SMIM15: variants seen among roughly 807,000 people sequenced by gnomAD.
SMIM15 encodes small integral membrane protein 15.
SMIM15 carries 5 observed loss-of-function variants against 6.8 expected under a neutral mutation model. That is an observed-to-expected ratio of 0.74 (90% confidence interval 0.39 to 1.56). The LOEUF (loss-of-function observed/expected upper bound fraction) is 1.56. Among genes scored for constraint, SMIM15 ranks in the 40% most tolerant of loss-of-function variants. SMIM15 has a pLI of 0.03. For synonymous variants in SMIM15, 30 were observed against 30.8 expected (o/e 0.97, Z 0.09); for missense variants, 81 against 84.8 (o/e 0.96, Z 0.18).
At position 61,159,788 on chromosome 5, in the gene SMIM15, A is replaced by G. The variant is rs1741381196; in HGVS notation, c.*159T>C. 2.7e-6 allele frequency: 2 copies of G among 754,414 alleles called. No homozygotes were observed. The highest frequency in any genetic ancestry group is 3.5e-5 in the African/African-American group (2 of 56,520). 46.7% of individuals were successfully genotyped at this position (754,414 alleles called of 1,614,324 possible). On this transcript the variant is annotated 3_prime_UTR_variant, in exon 3 of 3. Coordinates refer to ENST00000339020, the MANE Select transcript of SMIM15 (RefSeq NM_001048249.4). The stretch of plus-strand genomic sequence containing the variant: ...TACACCCACGCCTAAAAGTTACTAT[A>G]GTATTGAGGTCAGAACTAACATGAT...
rs1741380363 is a variant in SMIM15, at chr5:61,159,734, A to G, written c.*213T>C. On this transcript the variant is annotated 3_prime_UTR_variant, in exon 3 of 3. Transcript: ENST00000339020. ...GTACCACAGTAAATGCTAATTTACA[A>G]TAACTGTCAATAGAAACCTATAAAC... 3 of 580,162 alleles carry G rather than the reference A, an allele frequency of 5.2e-6. No individual in the cohort carries two copies. Among genetic ancestry groups the G allele is most frequent in the Admixed American group, 3.2e-5 (1 of 31,022 alleles). 35.9% of individuals were successfully genotyped at this position (580,162 alleles called of 1,614,324 possible).
At position 61,160,018 on chromosome 5, in the gene SMIM15, C is replaced by A. The variant is rs1445526673; in HGVS notation, c.154G>T (p.Glu52Ter). Residue 52 changes from glutamate to a stop codon, truncating the protein, a stop_gained, in exon 3 of 3, where the codon GAG becomes TAG. Transcript: ENST00000339020. LOFTEE classifies it high-confidence loss of function. ...TTTTGCTTCTTCTTTTGCTCCTTCT[C>A]CCTGGCCTCAATCATCTTGGCCAAT... Reference protein sequence around the residue: ...WKLAKMIEAREKEQKKKQKRQ... With the variant: ...WKLAKMIEAR 1 of 1,614,104 alleles carries A rather than the reference C, an allele frequency of 6.2e-7. No individual in the cohort carries two copies. The highest frequency in any genetic ancestry group is 1.1e-5 in the South Asian group (1 of 91,080).
intron 1 of SMIM15, among the ~76,000 whole-genome samples, chr5:61,161,520 G>C (rs1445119060): frequency 6.6e-6 from 1 of 152,094 alleles, no homozygotes; most frequent in East Asian, 1.9e-4. Context: ...TTGGCTCACT[G>C]ACTGACTTAC....
rs775975055 is a variant in SMIM15 at position 61,160,205 on chromosome 5, G to C, written c.-28-6C>G. On this transcript the variant is annotated splice_region_variant and splice_polypyrimidine_tract_variant and intron_variant, in intron 2 of 2. Coordinates refer to ENST00000339020, the MANE Select transcript of SMIM15 (RefSeq NM_001048249.4). ...CAGTCTTATGAAAACTGGGGCTGGGGGAGGCGGGTGGAGAACACAGAGGAA... is the reference window on the plus strand; with the variant it reads ...CAGTCTTATGAAAACTGGGGCTGGGCGAGGCGGGTGGAGAACACAGAGGAA... 1.3e-6 allele frequency: 2 copies of C among 1,590,986 alleles called. No individual in the cohort carries two copies. The highest frequency in any genetic ancestry group is 1.7e-6 in the Non-Finnish European group (2 of 1,165,788).
In SMIM15 at chr5:61,160,152, C is replaced by T; in HGVS notation, c.20G>A (p.Trp7Ter). 1 of 1,613,854 alleles carries T rather than the reference C, an allele frequency of 6.2e-7. No homozygotes were observed. Among genetic ancestry groups the T allele is most frequent in the Non-Finnish European group, 8.5e-7 (1 of 1,179,932 alleles). Residue 7 changes from tryptophan (W) to a stop codon, truncating the protein, a stop_gained, in exon 3 of 3, where the codon TGG becomes TAG. Coordinates refer to ENST00000339020, the MANE Select transcript of SMIM15 (RefSeq NM_001048249.4). LOFTEE classifies it high-confidence loss of function. MFDIKAWAEYVVEWAAK... is the reference protein window; with the variant it reads MFDIKA ...AGCCCATTCCACAACATACTCAGCC[C>T]AAGCCTTTATATCAAACATCTTCAC... is the stretch of plus-strand genomic sequence containing the variant.
rs761544076 is a variant in SMIM15 at position 61,160,019 on chromosome 5, C to T, written c.153G>A (p.Arg51=). 3.3e-5 allele frequency: 54 copies of T among 1,613,990 alleles called. No individual in the cohort carries two copies. In the East Asian group the frequency reaches 1.2e-3, roughly 36 times the overall value. ...SWKLAKMIEA[R]EKEQKKKQKR... ...TTTGCTTCTTCTTTTGCTCCTTCTC[C>T]CTGGCCTCAATCATCTTGGCCAATT... Residue 51 remains arginine, a synonymous_variant, in exon 3 of 3, where the codon AGG becomes AGA. Transcript: ENST00000339020.
chr5:61,159,468 CAAT>C lies in SMIM15; in HGVS notation c.*476_*478del, dbSNP rs148341488. 3,756 of 154,086 alleles carry C rather than the reference CAAT, an allele frequency of 0.024. 65 individuals carry two copies. The highest frequency in any genetic ancestry group is 0.038 in the Non-Finnish European group (2,595 of 68,930). The allele number at this position is 154,086 out of a possible 1,614,324, so 9.5% of individuals were successfully genotyped here. On this transcript the variant is annotated 3_prime_UTR_variant, in exon 3 of 3. Coordinates refer to ENST00000339020, the MANE Select transcript of SMIM15 (RefSeq NM_001048249.4). ...GCCAGAAATGATTCTAAGAAATAAA[CAAT>C]AATAATAAAAGATGTAATTAATATA...
rs1741357928 is a variant in SMIM15 at position 61,158,327 on chromosome 5, T to C, written c.*1620A>G. 1 of 152,144 alleles carries C rather than the reference T, an allele frequency of 6.6e-6. No homozygotes were observed. Among genetic ancestry groups the C allele is most frequent in the African/African-American group, 2.4e-5 (1 of 41,432 alleles). The allele number at this position is 152,144 out of a possible 1,614,324, so 9.4% of individuals were successfully genotyped here. ...CAGCTTGATTGCAGAAAACCAAACA[T>C]ATTATAGATATATCTTAACACTGAA... On this transcript the variant is annotated 3_prime_UTR_variant, in exon 3 of 3. Transcript: ENST00000339020.
Position 61,159,818 on chromosome 5 carries a change from C to T in SMIM15, c.*129G>A. On this transcript the variant is annotated 3_prime_UTR_variant, in exon 3 of 3. Transcript: ENST00000339020. ...TGAGGTCAGAACTAACATGATTCTTCCATTTGGTCAAATTTCATTTACTAA... is the reference window on the plus strand; with the variant it reads ...TGAGGTCAGAACTAACATGATTCTTTCATTTGGTCAAATTTCATTTACTAA... 9.6e-7 allele frequency: 1 copy of T among 1,040,576 alleles called. No individual in the cohort carries two copies. The highest frequency in any genetic ancestry group is 1.4e-6 in the Non-Finnish European group (1 of 725,444). 64.5% of individuals were successfully genotyped at this position (1,040,576 alleles called of 1,614,324 possible). A position where few individuals can be genotyped will look rare whatever the true frequency, so the allele number is the denominator to read the frequency against.
chr5:61,158,658 T>C lies in SMIM15; in HGVS notation c.*1289A>G, dbSNP rs544439619. 3 of 152,172 alleles carry C rather than the reference T, an allele frequency of 2.0e-5. No individual in the cohort carries two copies. The South Asian group carries it at 6.2e-4, about 32-fold the overall frequency. The allele number at this position is 152,172 out of a possible 1,614,324, so 9.4% of individuals were successfully genotyped here. On this transcript the variant is annotated 3_prime_UTR_variant, in exon 3 of 3. Coordinates refer to ENST00000339020, the MANE Select transcript of SMIM15 (RefSeq NM_001048249.4). ...TCTAGTTTCATTTTTAAACTGTAGC[T>C]GCTAGACAATTTTTTGTAATTTAAA...
rs1741416052 is a variant in SMIM15, at chr5:61,161,511, T to G, written c.-168-284A>C. Among the ~76,000 whole-genome samples the G allele has an allele frequency of 1.3e-5, 2 of 152,206 alleles. 1 individual carries two copies. Among genetic ancestry groups the G allele is most frequent in the Admixed American group, 1.3e-4 (2 of 15,284 alleles). ...GTTCATTGACATACGGGAGACAAGT[T>G]GGCTCACTGACTGACTTACACAGCG... On this transcript the variant is annotated intron_variant, in intron 1 of 2. Transcript: ENST00000339020.
chr5:61,158,957 T>G lies in SMIM15; in HGVS notation c.*990A>C, dbSNP rs1741366450. The G allele has an allele frequency of 6.6e-6, 1 of 152,238 alleles. No homozygotes were observed. The highest frequency in any genetic ancestry group is 1.5e-5 in the Non-Finnish European group (1 of 68,024). 9.4% of individuals were successfully genotyped at this position (152,238 alleles called of 1,614,324 possible). A position where few individuals can be genotyped will look rare whatever the true frequency, so the allele number is the denominator to read the frequency against. ...TCTTTACCACTTATGAAGTATGGCG[T>G]AACTGTTACACTTTAAGAGTTCTTT... is the stretch of plus-strand genomic sequence containing the variant. On this transcript the variant is annotated 3_prime_UTR_variant, in exon 3 of 3. Transcript: ENST00000339020.
In SMIM15 at chr5:61,160,248, C is replaced by CT; in HGVS notation, c.-28-50dup. The CT allele has an allele frequency of 3.6e-6, 5 of 1,373,438 alleles. No homozygotes were observed. The Middle Eastern group carries it at 6.0e-4, about 166-fold the overall frequency. 85.1% of individuals were successfully genotyped at this position (1,373,438 alleles called of 1,614,324 possible). ...CAGAGGAAAAAAACAGGAGAAAAGA[C>CT]TATGTGGTTAATCAAATTTTGAAAA... On this transcript the variant is annotated intron_variant, in intron 2 of 2. Coordinates refer to ENST00000339020, the MANE Select transcript of SMIM15 (RefSeq NM_001048249.4).
rs1170247966 is a variant in SMIM15, at chr5:61,157,922, T to G, written c.*2025A>C. 6.6e-6 allele frequency: 1 copy of G among 151,632 alleles called. No individual in the cohort carries two copies. The highest frequency in any genetic ancestry group is 1.5e-5 in the Non-Finnish European group (1 of 67,976). The allele number at this position is 151,632 out of a possible 1,614,324, so 9.4% of individuals were successfully genotyped here. On this transcript the variant is annotated 3_prime_UTR_variant, in exon 3 of 3. Coordinates refer to ENST00000339020, the MANE Select transcript of SMIM15 (RefSeq NM_001048249.4). ...ATGGGATTCTTTAACAACAGTACTC[T>G]GTTGCAGTGAGAGGTGATTTTTCTG... is the stretch of plus-strand genomic sequence containing the variant.
rs1741356976 is a variant in SMIM15 at position 61,158,280 on chromosome 5, GTACA to G, written c.*1663_*1666del. On this transcript the variant is annotated 3_prime_UTR_variant, in exon 3 of 3. Coordinates refer to ENST00000339020, the MANE Select transcript of SMIM15 (RefSeq NM_001048249.4). ...TAAAATGTGACCCTAAGTAAAACAT[GTACA>G]TAAATTCTTTCCATGAACAGCTTGA... is the stretch of plus-strand genomic sequence containing the variant. 6.6e-6 allele frequency: 1 copy of G among 152,112 alleles called. No individual in the cohort carries two copies. The allele number at this position is 152,112 out of a possible 1,614,324, so 9.4% of individuals were successfully genotyped here.
intron 1 of SMIM15, among the ~76,000 whole-genome samples, chr5:61,161,646 G>T (rs1383570577): frequency 6.6e-6 from 1 of 152,010 alleles, no homozygotes; most frequent in African/African-American, 2.4e-5. Context: ...TCTTTATAAA[G>T]GTTTTTTTGG....
At position 61,159,027 on chromosome 5, in the gene SMIM15, C is replaced by G. The variant is rs1741367850; in HGVS notation, c.*920G>C. ...ACGTTTTACTTTGAACCTGTTTGAT[C>G]AGAAAGTATTAAATATCACTACCAC... is the stretch of plus-strand genomic sequence containing the variant. On this transcript the variant is annotated 3_prime_UTR_variant, in exon 3 of 3. Coordinates refer to ENST00000339020, the MANE Select transcript of SMIM15 (RefSeq NM_001048249.4). 6.6e-6 allele frequency: 1 copy of G among 152,128 alleles called. No homozygotes were observed. Among genetic ancestry groups the G allele is most frequent in the Non-Finnish European group, 1.5e-5 (1 of 68,008 alleles). The allele number at this position is 152,128 out of a possible 1,614,324, so 9.4% of individuals were successfully genotyped here.
rs1033393685 is a variant in SMIM15 at position 61,161,129 on chromosome 5, A to G, written c.-70T>C. 1.3e-5 allele frequency: 2 copies of G among 152,172 alleles called. No homozygotes were observed. The highest frequency in any genetic ancestry group is 4.8e-5 in the African/African-American group (2 of 41,438). 9.4% of individuals were successfully genotyped at this position (152,172 alleles called of 1,614,324 possible). On this transcript the variant is annotated 5_prime_UTR_variant, in exon 2 of 3. Coordinates refer to ENST00000339020, the MANE Select transcript of SMIM15 (RefSeq NM_001048249.4). ...GATCCCTTAACTTTGTCCTGGTGTT[A>G]TTAGTGACCCAATCACGACTTCAGA...
chr5:61,159,829 A>G lies in SMIM15; in HGVS notation c.*118T>C, dbSNP rs1561143298. The G allele has an allele frequency of 2.5e-6, 3 of 1,180,256 alleles. No homozygotes were observed. The highest frequency in any genetic ancestry group is 3.1e-5 in the African/African-American group (2 of 65,230). The allele number at this position is 1,180,256 out of a possible 1,614,324, so 73.1% of individuals were successfully genotyped here. On this transcript the variant is annotated 3_prime_UTR_variant, in exon 3 of 3. Transcript: ENST00000339020. ...CTAACATGATTCTTCCATTTGGTCA[A>G]ATTTCATTTACTAAATCATACTGTC... is the stretch of plus-strand genomic sequence containing the variant.
Sources: gnomAD v4.1 joint callset for allele counts (sites outside exome capture counted in the v4.1 genomes callset) on GRCh38, gnomAD v4.1.1 for gene constraint, MANE v1.5 for transcripts, NCBI Gene and HGNC (gene_info 2026-07-23, HGNC 2026-07-21) for gene names.